Variants in MANBA observed in about 807,000 individuals in gnomAD.
MANBA encodes beta-mannosidase.
In MANBA, 83 loss-of-function variants were observed where a neutral mutation model predicts 111.1. That is an observed-to-expected ratio of 0.75 (90% confidence interval 0.63 to 0.90). The LOEUF (loss-of-function observed/expected upper bound fraction) is 0.90, where lower values mean the gene tolerates loss of function less well. MANBA is among the 40% of genes least tolerant of loss of function. The probability of loss-of-function intolerance (pLI) is 0.00; values close to 1 mark genes in which losing one functional copy is unlikely to be tolerated. For missense variants in MANBA, 1,036 were observed against 1,069.0 expected, an observed-to-expected ratio of 0.97 and a Z score of 0.43; for synonymous variants, 370 against 378.7, an observed-to-expected ratio of 0.98 and a Z score of 0.27.
At chr4:102,702,884 A>C (rs562964448) in intron 5 of MANBA, among the ~76,000 whole-genome samples, 1 of 152,338 alleles carries the variant, frequency 6.6e-6, no homozygotes, top group East Asian at 1.9e-4. Context: ...TTCTAGCCTC[A>C]ACAGGGGGAA....
rs1560802596 is a variant in MANBA at position 102,729,412 on chromosome 4, A to C, written c.178-2729T>G. 3 of 1,147,694 alleles carry C rather than the reference A, an allele frequency of 2.6e-6. No individual in the cohort carries two copies. The African/African-American group carries it at 4.5e-5, about 17-fold the overall frequency. 71.1% of individuals were successfully genotyped at this position (1,147,694 alleles called of 1,614,324 possible). A position where few individuals can be genotyped will look rare whatever the true frequency, so the allele number is the denominator to read the frequency against. ...CTCAGCGATGATGCTGTTCATGCCCAGGGAGCGGCTGTTGTCCATGGGCAG... is the reference window on the plus strand; with the variant it reads ...CTCAGCGATGATGCTGTTCATGCCCCGGGAGCGGCTGTTGTCCATGGGCAG... On this transcript the variant is annotated intron_variant, in intron 1 of 16. Coordinates refer to ENST00000647097, the MANE Select transcript of MANBA (RefSeq NM_005908.4).
chr4:102,639,072 C>G (rs1729753899), intron 14 of MANBA, among the ~76,000 whole-genome samples: 1 of 151,994 alleles, frequency 6.6e-6, no homozygotes, highest in African/African-American at 2.4e-5. Context: ...TTTAATGTAC[C>G]AGAATAGATG....
At chr4:102,723,566 A>C (rs771338596) in intron 3 of MANBA, among the ~76,000 whole-genome samples, 1 of 152,266 alleles carries the variant, frequency 6.6e-6, no homozygotes, top group African/African-American at 2.4e-5. Flanking sequence ...CATTTGTCCA[A>C]TGAAACTGTA....
At chr4:102,741,357 T>C (rs1008295385) in intron 1 of MANBA, among the ~76,000 whole-genome samples, 1 of 152,096 alleles carries the variant, frequency 6.6e-6, no homozygotes, top group Non-Finnish European at 1.5e-5. Context: ...TGTAAACTAG[T>C]ACAACTAAGG....
At chr4:102,729,297 C>T in intron 1 of MANBA, 1 of 753,524 alleles carries the variant, frequency 1.3e-6, no homozygotes. Context: ...GCTTCCCAGC[C>T]AGCATCTGCA....
Position 102,711,029 on chromosome 4 carries a change from G to T in MANBA, c.673+3409C>A, listed in dbSNP as rs151207351. Among the ~76,000 whole-genome samples, 44 of 152,124 alleles carry T rather than the reference G, an allele frequency of 2.9e-4. No individual in the cohort carries two copies. The East Asian group carries it at 7.7e-3, about 27-fold the overall frequency. The stretch of plus-strand genomic sequence containing the variant: ...ATAAAACTACTAGAAGAAAACATAC[G>T]AGAAGCATTTCAAGACATCGATCTA... On this transcript the variant is annotated intron_variant, in intron 5 of 16. Transcript: ENST00000647097.
chr4:102,658,991 G>A (rs1366130554), intron 11 of MANBA: 2 of 152,180 alleles, frequency 1.3e-5, no homozygotes, highest in Non-Finnish European at 2.9e-5. Context: ...CATTTAGCAA[G>A]TATTCGTCAA....
intron 7 of MANBA, among the ~76,000 whole-genome samples, chr4:102,676,432 T>C (rs1731732813): frequency 6.6e-6 from 1 of 152,044 alleles, no homozygotes; most frequent in Non-Finnish European, 1.5e-5. Flanking sequence ...GCACACATAC[T>C]AGCTGAGAGA....
chr4:102,698,185 C>T (rs1732824982), intron 5 of MANBA, among the ~76,000 whole-genome samples: 1 of 152,060 alleles, frequency 6.6e-6, no homozygotes, highest in African/African-American at 2.4e-5. Context: ...TGTCCTTTGC[C>T]CACTTTTTGA....
chr4:102,698,343 AG>A lies in MANBA; in HGVS notation c.674-7573del, dbSNP rs1265675539. The stretch of plus-strand genomic sequence containing the variant: ...CTGATGGTAGTTTCTTTTGCTGTGC[AG>A]AAGCTCTTTAGTTTAATTAGATCCC... On this transcript the variant is annotated intron_variant, in intron 5 of 16. Coordinates refer to ENST00000647097, the MANE Select transcript of MANBA (RefSeq NM_005908.4). Among the ~76,000 whole-genome samples, 3 of 151,326 alleles carry A rather than the reference AG, an allele frequency of 2.0e-5. No homozygotes were observed. In the East Asian group the frequency reaches 5.8e-4, roughly 29 times the overall value.
rs1156513915 is a variant in MANBA at position 102,684,811 on chromosome 4, T to G, written c.960+4763A>C. On this transcript the variant is annotated intron_variant, in intron 7 of 16. Transcript: ENST00000647097. ...AAGGATATGCTCAACAAAGCGATGA[T>G]TCATGTCCTGGACAAGACAGGGCAG... 3.9e-5 allele frequency among the ~76,000 whole-genome samples: 6 copies of G among 152,140 alleles called. No individual in the cohort carries two copies. The East Asian group carries it at 1.2e-3, about 29-fold the overall frequency.
At chr4:102,723,290 C>A (rs1007561900) in intron 3 of MANBA, among the ~76,000 whole-genome samples, 2 of 152,098 alleles carry the variant, frequency 1.3e-5, no homozygotes, top group African/African-American at 4.8e-5. Flanking sequence ...TTTTTCCTGG[C>A]AAAATGATGG....
rs1285605844 is a variant in MANBA, at chr4:102,729,639, T to A, written c.178-2956A>T. Reference sequence around the variant, plus strand: ...ACACTTATTGATCTCATCCTCATACTTGTTCTTGAAGTCCTCCACCAGCCC... The same window carrying A: ...ACACTTATTGATCTCATCCTCATACATGTTCTTGAAGTCCTCCACCAGCCC... On this transcript the variant is annotated intron_variant, in intron 1 of 16. Transcript: ENST00000647097. The A allele has an allele frequency of 3.2e-6, 4 of 1,242,736 alleles. No homozygotes were observed. In the South Asian group the frequency reaches 4.8e-5, roughly 15 times the overall value. 77.0% of individuals were successfully genotyped at this position (1,242,736 alleles called of 1,614,324 possible). A position where few individuals can be genotyped will look rare whatever the true frequency, so the allele number is the denominator to read the frequency against.
intron 10 of MANBA, chr4:102,665,769 C>G (rs1252406232): frequency 6.6e-6 from 1 of 152,118 alleles, no homozygotes; most frequent in Non-Finnish European, 1.5e-5. Flanking sequence ...AAGAAAAATT[C>G]TTTTGGAACA....
intron 4 of MANBA, among the ~76,000 whole-genome samples, chr4:102,719,250 A>G (rs906293906): frequency 1.3e-5 from 2 of 152,220 alleles, no homozygotes; most frequent in Non-Finnish European, 2.9e-5. Flanking sequence ...AAAAGAATTC[A>G]GCGATATTTC....
At chr4:102,639,893 G>A (rs1205375494) in intron 13 of MANBA, 36 bp from the exon 14 acceptor site, 1 of 1,611,406 alleles carries the variant, frequency 6.2e-7, no homozygotes, top group Non-Finnish European at 8.5e-7. Flanking sequence ...AGGTGTTATT[G>A]TTTGATGTAG....
At chr4:102,704,437 A>G (rs1246469000) in intron 5 of MANBA, among the ~76,000 whole-genome samples, 1 of 152,156 alleles carries the variant, frequency 6.6e-6, no homozygotes. Context: ...CCAAAGCGCT[A>G]AAGATTACAA....
chr4:102,690,196 G>C (rs998914344), intron 6 of MANBA, among the ~76,000 whole-genome samples: 1 of 152,052 alleles, frequency 6.6e-6, no homozygotes, highest in Non-Finnish European at 1.5e-5. Flanking sequence ...CATGAGTTTA[G>C]AATTAAAATT....
chr4:102,692,833 A>T (rs1363139837), intron 5 of MANBA, among the ~76,000 whole-genome samples: 1 of 152,092 alleles, frequency 6.6e-6, no homozygotes, highest in Non-Finnish European at 1.5e-5. Context: ...CAAATAAAGA[A>T]GAGATTAATA....
Sources: allele counts gnomAD v4.1 joint callset (sites outside exome capture counted in the v4.1 genomes callset), GRCh38; gene constraint gnomAD v4.1.1; transcripts MANE v1.5; gene names NCBI Gene and HGNC (gene_info 2026-07-23, HGNC 2026-07-21).